CFAP299: variants seen among roughly 807,000 people sequenced by gnomAD.
CFAP299 encodes cilia- and flagella-associated protein 299.
In CFAP299, 21 loss-of-function variants were observed where a neutral mutation model predicts 27.0. The observed-to-expected ratio is 0.78, with a 90% CI of 0.55 to 1.12. CFAP299 has a LOEUF of 1.12. CFAP299 is among the 50% of genes most tolerant of loss of function. CFAP299 has a pLI of 0.00. For synonymous variants in CFAP299, 104 were observed against 98.1 expected (o/e 1.06, Z -0.36); for missense variants, 310 against 276.6 (o/e 1.12, Z -0.86).
intron 2 of CFAP299, among the ~76,000 whole-genome samples, chr4:80,499,761 CT>C (rs1399838190): frequency 1.3e-5 from 2 of 152,010 alleles, no homozygotes; most frequent in African/African-American, 4.8e-5. Context: ...TCAATTTCCT[CT>C]TGATATTTTT....
intron 2 of CFAP299, among the ~76,000 whole-genome samples, chr4:80,432,722 T>C (rs1400862682): frequency 1.3e-5 from 2 of 151,322 alleles, no homozygotes; most frequent in Non-Finnish European, 2.9e-5. Flanking sequence ...TTAGTAGAGA[T>C]GGGGTTTCTG....
chr4:80,469,266 A>G (rs562606715), intron 2 of CFAP299, among the ~76,000 whole-genome samples: 137 of 152,340 alleles, frequency 9.0e-4, no homozygotes, highest in African/African-American at 3.1e-3. Flanking sequence ...CTTACATTCA[A>G]CAACCATTGT....
chr4:80,761,546 T>G (rs1260030044), intron 3 of CFAP299, among the ~76,000 whole-genome samples: 2 of 152,054 alleles, frequency 1.3e-5, no homozygotes, highest in African/African-American at 4.8e-5. Flanking sequence ...AATACTTCAC[T>G]TTAGATTAAA....
At position 80,539,371 on chromosome 4, in the gene CFAP299, G is replaced by A. The variant is rs912587971; in HGVS notation, c.243-43722G>A. Among the ~76,000 whole-genome samples, 15 of 152,310 alleles carry A rather than the reference G, an allele frequency of 9.8e-5. 1 individual carries two copies. The South Asian group carries it at 1.7e-3, about 17-fold the overall frequency. On this transcript the variant is annotated intron_variant, in intron 2 of 5. Transcript: ENST00000358105. Reference sequence around the variant, plus strand: ...AACCACATGAGGAAGCACCAGGTTCGTCAGGAGGCAGGAGCAGGAATGAAG... The same window carrying A: ...AACCACATGAGGAAGCACCAGGTTCATCAGGAGGCAGGAGCAGGAATGAAG...
intron 2 of CFAP299, among the ~76,000 whole-genome samples, chr4:80,560,889 C>T (rs930127822): frequency 2.0e-5 from 3 of 152,074 alleles, no homozygotes; most frequent in Admixed American, 6.6e-5. Context: ...TGTGGGACCT[C>T]GCCACCCTAA....
At chr4:80,801,480 G>A (rs911422768) in intron 3 of CFAP299, among the ~76,000 whole-genome samples, 2 of 151,988 alleles carry the variant, frequency 1.3e-5, no homozygotes, top group Non-Finnish European at 2.9e-5. Flanking sequence ...TCATTACTAG[G>A]AAAATTGTTG....
intron 2 of CFAP299, among the ~76,000 whole-genome samples, chr4:80,476,859 G>A (rs538788789): frequency 7.5e-4 from 114 of 152,072 alleles, no homozygotes; most frequent in African/African-American, 2.6e-3. Context: ...TCTTCCTTAA[G>A]GATACTGTCT....
chr4:80,619,788 CATATA>C (rs1342634386), intron 3 of CFAP299, among the ~76,000 whole-genome samples: 2 of 152,078 alleles, frequency 1.3e-5, no homozygotes, highest in East Asian at 1.9e-4. Flanking sequence ...TATTAATAGA[CATATA>C]ATATATTGTG....
At chr4:80,915,618 C>T (rs778490749) in intron 4 of CFAP299, among the ~76,000 whole-genome samples, 1 of 151,938 alleles carries the variant, frequency 6.6e-6, no homozygotes, top group Non-Finnish European at 1.5e-5. Context: ...ACCACTCTCC[C>T]AGATCCTCCT....
intron 3 of CFAP299, among the ~76,000 whole-genome samples, chr4:80,832,920 T>A (rs1730373133): frequency 6.6e-6 from 1 of 152,144 alleles, no homozygotes; most frequent in Non-Finnish European, 1.5e-5. Flanking sequence ...AATTTTAAAA[T>A]TCCTAGTTAT....
intron 3 of CFAP299, among the ~76,000 whole-genome samples, chr4:80,727,652 A>G (rs951176719): frequency 1.3e-5 from 2 of 152,074 alleles, no homozygotes; most frequent in Admixed American, 6.6e-5. Context: ...AGCATAAAAT[A>G]CTGTCATTTA....
intron 3 of CFAP299, among the ~76,000 whole-genome samples, chr4:80,839,031 G>A (rs746022116): frequency 1.1e-4 from 17 of 152,188 alleles, no homozygotes; most frequent in Admixed American, 2.0e-4. Flanking sequence ...TTAGTTTATC[G>A]TTCTTTTAGT....
At chr4:80,536,775 A>G (rs936708029) in intron 2 of CFAP299, among the ~76,000 whole-genome samples, 1 of 152,150 alleles carries the variant, frequency 6.6e-6, no homozygotes, top group Non-Finnish European at 1.5e-5. Context: ...GGAAACATAG[A>G]TAACAGGCTT....
At chr4:80,826,238 G>A (rs892052140) in intron 3 of CFAP299, among the ~76,000 whole-genome samples, 1 of 151,222 alleles carries the variant, frequency 6.6e-6, no homozygotes, top group African/African-American at 2.4e-5. Context: ...ATACACAAGA[G>A]AACATGAAAT....
chr4:80,815,214 G>A (rs977252508), intron 3 of CFAP299, among the ~76,000 whole-genome samples: 3 of 151,778 alleles, frequency 2.0e-5, no homozygotes, highest in Admixed American at 1.3e-4. Flanking sequence ...TCCAATAGGA[G>A]TTCTAGATGA....
chr4:80,748,314 C>T (rs1724736807), intron 3 of CFAP299, among the ~76,000 whole-genome samples: 1 of 152,082 alleles, frequency 6.6e-6, no homozygotes, highest in African/African-American at 2.4e-5. Context: ...TAAGAGTTAT[C>T]TATTGAGAAT....
At chr4:80,539,269 G>C (rs558459763) in intron 2 of CFAP299, among the ~76,000 whole-genome samples, 1 of 152,124 alleles carries the variant, frequency 6.6e-6, no homozygotes, top group African/African-American at 2.4e-5. Flanking sequence ...AGTGTCAAAC[G>C]TGGAGACAAC....
At chr4:80,955,451 A>T (rs1310374317) in intron 5 of CFAP299, among the ~76,000 whole-genome samples, 2 of 152,224 alleles carry the variant, frequency 1.3e-5, no homozygotes, top group East Asian at 1.9e-4. Flanking sequence ...GTGCTCAATG[A>T]ATGAAAATTG....
At chr4:80,442,407 C>T (rs1177358701) in intron 2 of CFAP299, among the ~76,000 whole-genome samples, 2 of 152,182 alleles carry the variant, frequency 1.3e-5, no homozygotes, top group East Asian at 3.8e-4. Context: ...GAAACTCACT[C>T]AAAACCGCAG....
Sources: gnomAD v4.1 joint callset for allele counts (sites outside exome capture counted in the v4.1 genomes callset) on GRCh38, gnomAD v4.1.1 for gene constraint, MANE v1.5 for transcripts, NCBI Gene and HGNC (gene_info 2026-07-23, HGNC 2026-07-21) for gene names.